The following CELA2B variants were observed in gnomAD, a reference collection of about 807,000 sequenced individuals.
The protein encoded by CELA2B is chymotrypsin like elastase 2B, also known as chymotrypsin-like elastase family member 2B.
CELA2B carries 27 observed loss-of-function variants against 36.5 expected under a neutral mutation model. The ratio of observed to expected loss-of-function variants is 0.74; its 90% CI spans 0.55 to 1.02. The LOEUF (loss-of-function observed/expected upper bound fraction) is 1.02. Ranked by LOEUF, CELA2B falls within the 50% of genes least tolerant of loss-of-function variation. The pLI, the probability that CELA2B is intolerant of heterozygous loss-of-function variation, is 0.00. For synonymous variants in CELA2B, 143 were observed against 148.5 expected (o/e 0.96, Z 0.27); for missense variants, 340 against 347.8 (o/e 0.98, Z 0.18).
Position 15,476,413 on chromosome 1 carries a change from TG to T in CELA2B, c.41-41del, listed in dbSNP as rs762536068. 205 of 1,581,992 alleles carry T rather than the reference TG, an allele frequency of 1.3e-4. 1 individual carries two copies. In the Admixed American group the frequency reaches 3.3e-3, roughly 26 times the overall value. ...TGCAGCATGTATAGTTTACATTGTGTGGGTCGCTGCTTCCTGGACTCAAGAC... is the reference window on the plus strand; with the variant it reads ...TGCAGCATGTATAGTTTACATTGTGTGGTCGCTGCTTCCTGGACTCAAGAC... On this transcript the variant is annotated intron_variant, in intron 1 of 7. Coordinates refer to ENST00000375910, the MANE Select transcript of CELA2B (RefSeq NM_015849.3).
intron 6 of CELA2B, among the ~76,000 whole-genome samples, chr1:15,486,963 C>A (rs1202887034): frequency 1.3e-5 from 2 of 152,210 alleles, no homozygotes; most frequent in African/African-American, 2.4e-5. Flanking sequence ...TTACAAACTG[C>A]CTGTGCAACC....
intron 6 of CELA2B, among the ~76,000 whole-genome samples, chr1:15,486,804 TG>T (rs1229603615): frequency 2.6e-5 from 4 of 152,138 alleles, no homozygotes; most frequent in African/African-American, 9.7e-5. Flanking sequence ...GACTTAGCAG[TG>T]AAGTGGGGAT....
chr1:15,481,253 T>A (rs1234127751), intron 3 of CELA2B, 58 bp downstream of exon 3: 2 of 1,599,488 alleles, frequency 1.3e-6, no homozygotes, highest in Admixed American at 3.3e-5. Flanking sequence ...ATTTCTGAGC[T>A]GGGGGCTCAA....
intron 7 of CELA2B, among the ~76,000 whole-genome samples, chr1:15,488,736 T>C (rs916258372): frequency 2.0e-5 from 3 of 152,180 alleles, no homozygotes; most frequent in Non-Finnish European, 4.4e-5. Flanking sequence ...AAGTGTTAAA[T>C]TGAATTAAAC....
At chr1:15,488,371 A>G (rs1708831748) in intron 7 of CELA2B, among the ~76,000 whole-genome samples, 1 of 152,202 alleles carries the variant, frequency 6.6e-6, no homozygotes, top group Non-Finnish European at 1.5e-5. Flanking sequence ...TGAGCGACAT[A>G]GCAAGACCCT....
intron 5 of CELA2B, among the ~76,000 whole-genome samples, chr1:15,484,965 T>C (rs1031295058): frequency 2.6e-5 from 4 of 151,912 alleles, no homozygotes; most frequent in African/African-American, 9.7e-5. Flanking sequence ...TGGCACAATC[T>C]CTGCTCACTG....
intron 2 of CELA2B, among the ~76,000 whole-genome samples, chr1:15,480,811 G>A (rs1708730493): frequency 6.6e-6 from 1 of 151,948 alleles, no homozygotes. Flanking sequence ...GCCCAGGCTG[G>A]TCTCAAACTC....
Position 15,476,185 on chromosome 1 carries a change from G to A in CELA2B, c.40+20G>A. Reference sequence around the variant, plus strand: ...CTGGAGGTAAGTCCTGTCACCCAGAGGCACTGGTTTCCCATCCCCTGGTGG... The same window carrying A: ...CTGGAGGTAAGTCCTGTCACCCAGAAGCACTGGTTTCCCATCCCCTGGTGG... On this transcript the variant is annotated intron_variant, in intron 1 of 7. Transcript: ENST00000375910. The A allele has an allele frequency of 6.2e-7, 1 of 1,614,092 alleles. No homozygotes were observed.
At chr1:15,482,673 G>C (rs1708757452) in intron 4 of CELA2B, among the ~76,000 whole-genome samples, 1 of 152,178 alleles carries the variant, frequency 6.6e-6, no homozygotes, top group Non-Finnish European at 1.5e-5. Flanking sequence ...TTCATGCCAA[G>C]TCCTGGGGAC....
chr1:15,476,109 A>G lies in CELA2B; in HGVS notation c.-17A>G. ...CCTTATCCAGGGCCACGCTTACAGA[A>G]CTCCCACGGACACACCATGATTAGG... On this transcript the variant is annotated 5_prime_UTR_variant, in exon 1 of 8. Coordinates refer to ENST00000375910, the MANE Select transcript of CELA2B (RefSeq NM_015849.3). 6.2e-7 allele frequency: 1 copy of G among 1,612,150 alleles called. No homozygotes were observed. Among genetic ancestry groups the G allele is most frequent in the African/African-American group, 1.3e-5 (1 of 74,926 alleles).
intron 7 of CELA2B, among the ~76,000 whole-genome samples, chr1:15,488,685 G>A (rs977551324): frequency 6.6e-6 from 1 of 152,184 alleles, no homozygotes; most frequent in Non-Finnish European, 1.5e-5. Flanking sequence ...CCAAAGAAGG[G>A]GAAAGCTGAC....
intron 7 of CELA2B, 54 bp from the exon 8 acceptor site, chr1:15,491,241 C>G: frequency 1.9e-6 from 3 of 1,612,436 alleles, no homozygotes; most frequent in Non-Finnish European, 2.5e-6. Context: ...AACTGCCACG[C>G]ACAGCTCTGT....
intron 2 of CELA2B, among the ~76,000 whole-genome samples, chr1:15,478,217 T>TATA (rs1491212485): frequency 2.9e-4 from 14 of 48,516 alleles, no homozygotes; most frequent in African/African-American, 1.1e-3. Flanking sequence ...TATATATATA[T>TATA]TGGGATATAT....
In CELA2B at chr1:15,481,677, G is replaced by A. The variant is rs1300295868; in HGVS notation, c.227+482G>A. ...ATAAAGGCCCACAAGGTTCTGCAAC[G>A]TTGTTCACTTATCCTCTTCTTTGTC... is the stretch of plus-strand genomic sequence containing the variant. On this transcript the variant is annotated intron_variant, in intron 3 of 7. Coordinates refer to ENST00000375910, the MANE Select transcript of CELA2B (RefSeq NM_015849.3). 2.5e-5 allele frequency: 12 copies of A among 471,584 alleles called. 1 individual carries two copies. Among genetic ancestry groups the A allele is most frequent in the South Asian group, 6.2e-5 (4 of 64,566 alleles). The allele number at this position is 471,584 out of a possible 1,614,324, so 29.2% of individuals were successfully genotyped here. A position where few individuals can be genotyped will look rare whatever the true frequency, so the allele number is the denominator to read the frequency against.
intron 7 of CELA2B, 86 bp downstream of exon 7, chr1:15,487,523 C>T (rs1034827763): frequency 1.4e-5 from 21 of 1,519,126 alleles, no homozygotes; most frequent in Middle Eastern, 1.9e-4. Context: ...CGACTGAGAA[C>T]CCCCTCCTTC....
intron 7 of CELA2B, among the ~76,000 whole-genome samples, chr1:15,488,485 A>G (rs1490100907): frequency 6.6e-6 from 1 of 152,222 alleles, no homozygotes; most frequent in African/African-American, 2.4e-5. Context: ...ACCCCGTCAC[A>G]AGAAAGGGGA....
At chr1:15,484,837 A>T (rs1438455844) in intron 5 of CELA2B, among the ~76,000 whole-genome samples, 2 of 152,164 alleles carry the variant, frequency 1.3e-5, no homozygotes, top group Admixed American at 6.5e-5. Context: ...TGCATCACAC[A>T]TTGCAAAATG....
chr1:15,480,127 GATC>G (rs1475805561), intron 2 of CELA2B, among the ~76,000 whole-genome samples: 1 of 152,130 alleles, frequency 6.6e-6, no homozygotes, highest in African/African-American at 2.4e-5. Flanking sequence ...AGACTAGAAT[GATC>G]ATCGAGAAGA....
chr1:15,479,701 A>G (rs1708717805), intron 2 of CELA2B, among the ~76,000 whole-genome samples: 2 of 152,222 alleles, frequency 1.3e-5, no homozygotes, highest in Admixed American at 1.3e-4. Context: ...GCGTGCACGC[A>G]TGTGTGTGTG....
Sources: allele counts gnomAD v4.1 joint callset (sites outside exome capture counted in the v4.1 genomes callset), GRCh38; gene constraint gnomAD v4.1.1; transcripts MANE v1.5; gene names NCBI Gene and HGNC (gene_info 2026-07-23, HGNC 2026-07-21).